The following ERC2 variants were observed in gnomAD, a reference collection of about 807,000 sequenced individuals.
ERC2 encodes ERC protein 2.
In ERC2, 42 loss-of-function variants were observed where a neutral mutation model predicts 114.8. The observed-to-expected ratio is 0.37, with a 90% CI of 0.29 to 0.47. The LOEUF is 0.47. Ranked by LOEUF, ERC2 falls within the 20% of genes least tolerant of loss-of-function variation. The probability of loss-of-function intolerance (pLI) is 0.99; values close to 1 mark genes in which losing one functional copy is unlikely to be tolerated. For synonymous variants in ERC2, 454 were observed against 425.5 expected (o/e 1.07, Z -0.82); for missense variants, 939 against 1,150.7 (o/e 0.82, Z 2.66).
At chr3:55,710,548 T>C (rs1040586267) in intron 15 of ERC2, among the ~76,000 whole-genome samples, 2 of 152,024 alleles carry the variant, frequency 1.3e-5, no homozygotes, top group African/African-American at 4.8e-5. Flanking sequence ...CAAAAAACAC[T>C]TTCTCTTAGT....
intron 3 of ERC2, among the ~76,000 whole-genome samples, chr3:56,237,580 G>A (rs2051035625): frequency 6.6e-6 from 1 of 152,142 alleles, no homozygotes; most frequent in Non-Finnish European, 1.5e-5. Flanking sequence ...ATGCATTTAA[G>A]AACATAGTTT....
At chr3:55,746,252 T>A (rs1360540425) in intron 14 of ERC2, among the ~76,000 whole-genome samples, 6 of 151,794 alleles carry the variant, frequency 4.0e-5, no homozygotes, top group Non-Finnish European at 8.8e-5. Context: ...TTTTTTTTTT[T>A]AAATGAAGTC....
chr3:55,821,861 G>T (rs2060137300), intron 14 of ERC2, among the ~76,000 whole-genome samples: 1 of 152,220 alleles, frequency 6.6e-6, no homozygotes, highest in South Asian at 2.1e-4. Flanking sequence ...ATAGGCTGGG[G>T]CTCAGAGAAG....
At chr3:56,045,215 C>T (rs998423662) in intron 7 of ERC2, among the ~76,000 whole-genome samples, 2 of 152,040 alleles carry the variant, frequency 1.3e-5, no homozygotes, top group Non-Finnish European at 1.5e-5. Flanking sequence ...TAAAAGAGGG[C>T]GGTTAACATG....
intron 14 of ERC2, among the ~76,000 whole-genome samples, chr3:55,862,433 A>C (rs1053730689): frequency 1.3e-5 from 2 of 152,114 alleles, no homozygotes; most frequent in Non-Finnish European, 2.9e-5. Flanking sequence ...TGGGACACAG[A>C]TGTGATGGCT....
chr3:56,162,880 GT>G (rs745634487), intron 4 of ERC2, among the ~76,000 whole-genome samples: 4 of 151,640 alleles, frequency 2.6e-5, no homozygotes, highest in Non-Finnish European at 4.4e-5. Context: ...GTTCTGCTCT[GT>G]TTTTTTTATT....
chr3:56,110,180 C>A (rs1017972813), intron 6 of ERC2, among the ~76,000 whole-genome samples: 1 of 152,022 alleles, frequency 6.6e-6, no homozygotes, highest in African/African-American at 2.4e-5. Flanking sequence ...TTTAAAAGAC[C>A]CAGTACTAGC....
intron 17 of ERC2, among the ~76,000 whole-genome samples, chr3:55,575,223 G>A (rs1336557673): frequency 6.6e-6 from 1 of 152,028 alleles, no homozygotes; most frequent in Non-Finnish European, 1.5e-5. Flanking sequence ...TCACCATGTT[G>A]GGCAGGCTGG....
intron 17 of ERC2, among the ~76,000 whole-genome samples, chr3:55,664,310 CCTT>C (rs2148716183): frequency 6.6e-6 from 1 of 152,258 alleles, no homozygotes; most frequent in East Asian, 1.9e-4. Flanking sequence ...GTGATACAAA[CCTT>C]CTAAGTTCCA....
At chr3:56,325,569 A>G (rs1383900057) in intron 2 of ERC2, among the ~76,000 whole-genome samples, 1 of 152,224 alleles carries the variant, frequency 6.6e-6, no homozygotes, top group Non-Finnish European at 1.5e-5. Context: ...TATACATTGT[A>G]AATGTATCAC....
At chr3:56,380,254 G>T (rs2059698477) in intron 2 of ERC2, among the ~76,000 whole-genome samples, 1 of 152,054 alleles carries the variant, frequency 6.6e-6, no homozygotes, top group African/African-American at 2.4e-5. Context: ...GTGTGGTTGG[G>T]CAGCTGACCT....
At chr3:55,566,166 G>A (rs1320654218) in intron 17 of ERC2, among the ~76,000 whole-genome samples, 1 of 152,060 alleles carries the variant, frequency 6.6e-6, no homozygotes, top group African/African-American at 2.4e-5. Context: ...TCAAATCCTG[G>A]TTTCACCACT....
chr3:56,021,370 T>C (rs964862947), intron 7 of ERC2, among the ~76,000 whole-genome samples: 2 of 152,120 alleles, frequency 1.3e-5, no homozygotes, highest in African/African-American at 2.4e-5. Flanking sequence ...GTTTTATTAT[T>C]TTAAAATGTC....
chr3:56,285,403 A>G (rs1458587274), intron 3 of ERC2, among the ~76,000 whole-genome samples: 1 of 151,894 alleles, frequency 6.6e-6, no homozygotes, highest in Non-Finnish European at 1.5e-5. Flanking sequence ...AAGGTCCACT[A>G]TTCGACATCC....
intron 13 of ERC2, among the ~76,000 whole-genome samples, chr3:55,941,225 G>A (rs1466026163): frequency 1.3e-5 from 2 of 152,012 alleles, no homozygotes; most frequent in African/African-American, 2.4e-5. Flanking sequence ...GATCAGTTGC[G>A]TGTACCTGCC....
chr3:56,179,594 G>C (rs1022118839), intron 3 of ERC2, among the ~76,000 whole-genome samples: 1 of 151,984 alleles, frequency 6.6e-6, no homozygotes. Flanking sequence ...AAAAAGTTGA[G>C]TTTAGATATG....
intron 14 of ERC2, among the ~76,000 whole-genome samples, chr3:55,841,527 G>A (rs1434082355): frequency 2.0e-5 from 3 of 152,138 alleles, no homozygotes; most frequent in African/African-American, 7.2e-5. Context: ...TTAGCAGAGT[G>A]ACAATAGAGT....
chr3:55,768,413 G>A (rs1180467554), intron 14 of ERC2, among the ~76,000 whole-genome samples: 7 of 152,188 alleles, frequency 4.6e-5, no homozygotes, highest in African/African-American at 1.4e-4. Context: ...CTTTGTGATG[G>A]GGATACAGTG....
chr3:55,940,087 T>C (rs2066689061), intron 13 of ERC2, among the ~76,000 whole-genome samples: 1 of 152,166 alleles, frequency 6.6e-6, no homozygotes, highest in Admixed American at 6.5e-5. Context: ...CTGACTTCCC[T>C]AGATTCCCAA....
Sources: allele counts gnomAD v4.1 joint callset (sites outside exome capture counted in the v4.1 genomes callset), GRCh38; gene constraint gnomAD v4.1.1; transcripts MANE v1.5; gene names NCBI Gene and HGNC (gene_info 2026-07-23, HGNC 2026-07-21).